PCDHGB1: variants seen among roughly 807,000 people sequenced by gnomAD.
PCDHGB1 encodes protocadherin gamma subfamily B, 1.
In PCDHGB1, 34 loss-of-function variants were observed where a neutral mutation model predicts 56.6. The observed-to-expected ratio is 0.60, with a 90% confidence interval of 0.46 to 0.80. PCDHGB1 has a LOEUF of 0.80. Ranked by LOEUF, PCDHGB1 falls within the 30% of genes least tolerant of loss-of-function variation. PCDHGB1 has a pLI of 0.00. For synonymous variants in PCDHGB1, 561 were observed against 505.9 expected, an observed-to-expected ratio of 1.11 and a Z score of -1.46; for missense variants, 1,278 against 1,204.6, an observed-to-expected ratio of 1.06 and a Z score of -0.90.
chr5:141,454,798 T>A (rs866302149), intron 1 of PCDHGB1, among the ~76,000 whole-genome samples: 2 of 58,950 alleles, frequency 3.4e-5, no homozygotes, highest in Non-Finnish European at 6.4e-5. Context: ...TGGTTCTAAT[T>A]TTTTTTTTTT....
At chr5:141,390,462 A>C in intron 1 of PCDHGB1, 1 of 732,308 alleles carries the variant, frequency 1.4e-6, no homozygotes, top group South Asian at 2.0e-5. Context: ...AAGTAGGAGC[A>C]ATTGTGTGGC....
Position 141,351,845 on chromosome 5 carries a change from C to T in PCDHGB1, c.1585C>T (p.Gln529Ter), listed in dbSNP as rs1268718190. 6.2e-7 allele frequency: 1 copy of T among 1,613,250 alleles called. No homozygotes were observed. Among genetic ancestry groups the T allele is most frequent in the Admixed American group, 1.7e-5 (1 of 60,012 alleles). The change falls in exon 1 of 4, where the codon CAG (glutamine) becomes TAG (stop). Residue 529 changes from glutamine to a stop codon, truncating the protein, a stop_gained. Transcript: ENST00000523390. LOFTEE classifies it high-confidence loss of function. ...GCTGCGCGCCTTCGAGCTCACACTG[C>T]AGGCCAGGGACCAGGGCTCCCCCGC... ...EQLRAFELTL[Q>*]ARDQGSPALS...
intron 1 of PCDHGB1, chr5:141,366,565 G>C: frequency 6.2e-7 from 1 of 1,614,252 alleles, no homozygotes; most frequent in Non-Finnish European, 8.5e-7. Flanking sequence ...GCGTGGATGG[G>C]GTTCGGGCTT....
chr5:141,506,253 G>A (rs1332023284), intron 3 of PCDHGB1, among the ~76,000 whole-genome samples: 2 of 151,862 alleles, frequency 1.3e-5, no homozygotes, highest in Non-Finnish European at 2.9e-5. Flanking sequence ...GTTCGAAACC[G>A]GCCTGGCCAA....
At chr5:141,403,928 G>A in intron 1 of PCDHGB1, 1 of 1,613,876 alleles carries the variant, frequency 6.2e-7, no homozygotes, top group Non-Finnish European at 8.5e-7. Flanking sequence ...AGATGGTGGG[G>A]GATTGAAAGG....
At chr5:141,388,993 G>A (rs778336882) in intron 1 of PCDHGB1, 1 of 1,614,026 alleles carries the variant, frequency 6.2e-7, no homozygotes, top group South Asian at 1.1e-5. Flanking sequence ...CTCAAAGTCC[G>A]TGACAAGGAT....
At chr5:141,385,574 C>T in intron 1 of PCDHGB1, 1 of 1,293,946 alleles carries the variant, frequency 7.7e-7, no homozygotes, top group Non-Finnish European at 9.8e-7. Flanking sequence ...ACCTACTTTC[C>T]AATCTATGTT....
At chr5:141,402,353 GA>G (rs1261209598) in intron 1 of PCDHGB1, among the ~76,000 whole-genome samples, 2 of 151,844 alleles carry the variant, frequency 1.3e-5, no homozygotes, top group Non-Finnish European at 2.9e-5. Context: ...AATTAAAAAT[GA>G]ATGTACTTCC....
intron 1 of PCDHGB1, chr5:141,399,144 T>G: frequency 6.2e-7 from 1 of 1,613,728 alleles, no homozygotes. Flanking sequence ...AAAATGACAA[T>G]AGCCCAGAAG....
chr5:141,376,217 C>T (rs1387510502), intron 1 of PCDHGB1: 1 of 1,614,210 alleles, frequency 6.2e-7, no homozygotes, highest in Non-Finnish European at 8.5e-7. Flanking sequence ...CATCGTGCTG[C>T]TGGCGCTCAG....
At chr5:141,468,931 G>A (rs1321821773) in intron 1 of PCDHGB1, among the ~76,000 whole-genome samples, 2 of 148,600 alleles carry the variant, frequency 1.3e-5, no homozygotes, top group Non-Finnish European at 3.0e-5. Flanking sequence ...GCACTAAAAT[G>A]GGAGATGGGG....
At chr5:141,376,684 T>TTTTTTTTTTG in intron 1 of PCDHGB1, 1 of 809,294 alleles carries the variant, frequency 1.2e-6, no homozygotes, top group African/African-American at 1.9e-5. Flanking sequence ...TCGTTTTTTT[T>TTTTTTTTTTG]TTTTTTTTTT....
chr5:141,355,727 G>A (rs779454610), intron 1 of PCDHGB1: 3 of 1,613,856 alleles, frequency 1.9e-6, no homozygotes, highest in Non-Finnish European at 2.5e-6. Flanking sequence ...AACTCAAACG[G>A]TTACTTTTCC....
chr5:141,413,477 C>A, intron 1 of PCDHGB1: 1 of 1,614,100 alleles, frequency 6.2e-7, no homozygotes, highest in Non-Finnish European at 8.5e-7. Flanking sequence ...GAGCTCTGCG[C>A]TCAGAGCGCG....
chr5:141,414,159 A>G (rs2095715416), intron 1 of PCDHGB1: 1 of 1,602,874 alleles, frequency 6.2e-7, no homozygotes. Context: ...CAGAAGATGG[A>G]GGAGCATATC....
intron 2 of PCDHGB1, among the ~76,000 whole-genome samples, chr5:141,495,685 T>TA (rs758775501): frequency 1.3e-5 from 2 of 152,210 alleles, no homozygotes; most frequent in African/African-American, 2.4e-5. Context: ...TGCCATGGCA[T>TA]AAGTGCTCAA....
intron 1 of PCDHGB1, chr5:141,419,568 A>T: frequency 1.2e-6 from 2 of 1,611,742 alleles, no homozygotes; most frequent in African/African-American, 2.7e-5. Flanking sequence ...CTGGGTCCCG[A>T]CGGCTCCGCG....
At chr5:141,371,831 C>G (rs374832321) in intron 1 of PCDHGB1, 7 of 1,613,652 alleles carry the variant, frequency 4.3e-6, no homozygotes, top group Non-Finnish European at 5.1e-6. Flanking sequence ...CCTCGGATCC[C>G]GACTTGGGAC....
At chr5:141,372,123 A>G (rs1435565099) in intron 1 of PCDHGB1, 3 of 1,613,632 alleles carry the variant, frequency 1.9e-6, no homozygotes, top group Non-Finnish European at 2.5e-6. Context: ...GCTCTTCGAT[A>G]TGGTGCCGCG....
Sources: gnomAD v4.1 joint callset for allele counts (sites outside exome capture counted in the v4.1 genomes callset) on GRCh38, gnomAD v4.1.1 for gene constraint, MANE v1.5 for transcripts, NCBI Gene and HGNC (gene_info 2026-07-23, HGNC 2026-07-21) for gene names.